The following LSS variants were observed in gnomAD, a reference collection of about 807,000 sequenced individuals.
LSS encodes the protein 2,3-epoxysqualene-lanosterol cyclase.
LSS carries 90 observed loss-of-function variants against 110.3 expected under a neutral mutation model. The observed-to-expected ratio is 0.82, with a 90% confidence interval of 0.69 to 0.97. The LOEUF is 0.97. LSS is among the 50% of genes least tolerant of loss of function. The pLI is 0.00. For synonymous variants in LSS, 433 were observed against 400.0 expected (o/e 1.08, Z -0.98); for missense variants, 927 against 990.0 (o/e 0.94, Z 0.85).
chr21:46,227,659 T>C lies in LSS; in HGVS notation c.212A>G (p.His71Arg), dbSNP rs754584496. 7 of 1,612,906 alleles carry C rather than the reference T, an allele frequency of 4.3e-6. No individual in the cohort carries two copies. The South Asian group carries it at 5.5e-5, about 13-fold the overall frequency. ...GTTCAGAGCCCCCTCAAAGGCGGTG[T>C]GGGCTTTGGGCAAGTCCTTAAAGTA... Reference protein sequence around the residue: ...KNYFKDLPKAHTAFEGALNGM... With the variant: ...KNYFKDLPKARTAFEGALNGM... Residue 71 changes from histidine to arginine, a missense_variant, in exon 3 of 22, where the codon CAC (histidine) becomes CGC (arginine). Coordinates refer to ENST00000397728, the MANE Select transcript of LSS (RefSeq NM_002340.6).
At position 46,216,470 on chromosome 21, in the gene LSS, C is replaced by T. The variant is rs1340011237; in HGVS notation, c.702G>A (p.Arg234=). The T allele has an allele frequency of 6.2e-7, 1 of 1,613,570 alleles. No homozygotes were observed. The highest frequency in any genetic ancestry group is 8.5e-7 in the Non-Finnish European group (1 of 1,179,882). Residue 234 remains arginine (R), a synonymous_variant, in exon 7 of 22, where the codon CGG becomes CGA. Transcript: ENST00000397728. This position sits in a 1 kb window ranked among gnomAD's most constrained non-coding sequence, Gnocchi z 4.2. ...AHPSTLWCHC[R]QVYLPMSYCY... is the part of the protein sequence containing the mutation. Reference sequence around the variant, plus strand: ...AGTAGCTCATGGGCAGGTACACCTGCCGGCAGTGGCACCAGAGTGTGGAGG... The same window carrying T: ...AGTAGCTCATGGGCAGGTACACCTGTCGGCAGTGGCACCAGAGTGTGGAGG...
At chr21:46,212,052 G>A (rs2080140939) in intron 11 of LSS, among the ~76,000 whole-genome samples, 1 of 50,872 alleles carries the variant, frequency 2.0e-5, no homozygotes, top group African/African-American at 8.8e-5. Flanking sequence ...GGAGCGCTGG[G>A]CAGGGAGGGG....
rs770659135 is a variant in LSS, at chr21:46,194,571, G to T, written c.1908C>A (p.Cys636Ter). Residue 636 changes from cysteine to a stop codon, truncating the protein, a stop_gained, in exon 20 of 22, where the codon TGC becomes TGA. Transcript: ENST00000397728. LOFTEE classifies it high-confidence loss of function. ...CACTCTGCAAATAACGCCGCTCCTCGCAGGACTCAAAGTCCTCCCCCCAGC... is the reference window on the plus strand; with the variant it reads ...CACTCTGCAAATAACGCCGCTCCTCTCAGGACTCAAAGTCCTCCCCCCAGC... ...DGGWGEDFESCEERRYLQSAQ... is the reference protein window; with the variant it reads ...DGGWGEDFES 6.2e-7 allele frequency: 1 copy of T among 1,613,662 alleles called. No individual in the cohort carries two copies. Among genetic ancestry groups the T allele is most frequent in the African/African-American group, 1.3e-5 (1 of 75,060 alleles).
chr21:46,195,888 G>A (rs914469187), intron 18 of LSS, 132 bp from the exon 19 acceptor site: 68 of 720,728 alleles, frequency 9.4e-5, no homozygotes, highest in South Asian at 8.9e-4. Context: ...CATTAAGGCC[G>A]TGGAAGACAG....
intron 6 of LSS, among the ~76,000 whole-genome samples, chr21:46,217,157 G>C (rs1157120588): frequency 4.0e-5 from 6 of 148,270 alleles, no homozygotes; most frequent in Non-Finnish European, 7.4e-5. Flanking sequence ...TGAGGCAGGA[G>C]AATCGCTTGA....
intron 18 of LSS, 118 bp from the exon 19 acceptor site, chr21:46,195,874 C>T (rs1291984613): frequency 1.3e-6 from 1 of 792,852 alleles, no homozygotes; most frequent in Non-Finnish European, 2.1e-6. Context: ...TCCAGTGCCT[C>T]AGGCATTAAG....
In LSS at chr21:46,209,859, G is replaced by C. The variant is rs182753030; in HGVS notation, c.1195-234C>G. On this transcript the variant is annotated intron_variant, in intron 12 of 21. Coordinates refer to ENST00000397728, the MANE Select transcript of LSS (RefSeq NM_002340.6). The surrounding 1 kb of genome is among the most constrained non-coding windows in gnomAD (Gnocchi z 4.4). The stretch of plus-strand genomic sequence containing the variant: ...AGGGCGCAGGAGACCATTTATGGAT[G>C]CCAGCACCCCCCTGCCTGGCCAGCA... Among the ~76,000 whole-genome samples the C allele has an allele frequency of 9.0e-4, 137 of 152,240 alleles. 1 individual carries two copies. The highest frequency in any genetic ancestry group is 3.4e-3 in the Middle Eastern group (1 of 294).
chr21:46,227,826 A>C, intron 2 of LSS, 136 bp from the exon 3 acceptor site: 1 of 1,009,572 alleles, frequency 9.9e-7, no homozygotes. Context: ...TTTCCATCAA[A>C]AGTCTGAAAC....
intron 3 of LSS, among the ~76,000 whole-genome samples, chr21:46,224,365 G>A (rs6518282): frequency 0.52 from 79,356 of 151,680 alleles, 21,556 homozygotes; most frequent in African/African-American, 0.67. Flanking sequence ...ACTGGTCTCC[G>A]TGCATTGGTG....
Position 46,189,270 on chromosome 21 carries a change from A to C in LSS, c.*1834T>G, listed in dbSNP as rs2079770442. 4.4e-6 allele frequency: 1 copy of C among 228,776 alleles called. No homozygotes were observed. The allele number at this position is 228,776 out of a possible 1,614,324, so 14.2% of individuals were successfully genotyped here. A position where few individuals can be genotyped will look rare whatever the true frequency, so the allele number is the denominator to read the frequency against. ...CTGACCATGGCTAGGAGTCCCAGGG[A>C]CAGCAGCCTCTGCTCAGGGCAGACT... On this transcript the variant is annotated 3_prime_UTR_variant, in exon 22 of 22. Coordinates refer to ENST00000397728, the MANE Select transcript of LSS (RefSeq NM_002340.6).
rs1034136621 is a variant in LSS at position 46,190,756 on chromosome 21, G to C, written c.*348C>G. On this transcript the variant is annotated 3_prime_UTR_variant, in exon 22 of 22. Transcript: ENST00000397728. The surrounding 1 kb of genome is among the most constrained non-coding windows in gnomAD (Gnocchi z 4.6). ...ACAGGCACAGCTGCTCCTCTCCCAA[G>C]AACTCAGCTATTGGTCAGAAAAAAC... The C allele has an allele frequency of 3.7e-6, 1 of 268,352 alleles. No homozygotes were observed. The highest frequency in any genetic ancestry group is 7.1e-6 in the Non-Finnish European group (1 of 140,412). The allele number at this position is 268,352 out of a possible 1,614,324, so 16.6% of individuals were successfully genotyped here.
At chr21:46,194,747 T>C in intron 19 of LSS, 86 bp from the exon 20 acceptor site, 1 of 1,396,634 alleles carries the variant, frequency 7.2e-7, no homozygotes, top group Non-Finnish European at 9.6e-7. Flanking sequence ...TGCCTTGGGG[T>C]ACGGGGAGGA....
At chr21:46,213,184 G>A in intron 10 of LSS, 132 bp from the exon 11 acceptor site, 1 of 822,528 alleles carries the variant, frequency 1.2e-6, no homozygotes, top group East Asian at 2.6e-5. Flanking sequence ...TGGCCTGGAT[G>A]CCACCCCAGC....
chr21:46,196,247 A>G lies in LSS; in HGVS notation c.1691T>C (p.Leu564Ser). 1 of 1,614,130 alleles carries G rather than the reference A, an allele frequency of 6.2e-7. No homozygotes were observed. Among genetic ancestry groups the G allele is most frequent in the Non-Finnish European group, 8.5e-7 (1 of 1,180,024 alleles). ...AEIRETLTQG[L>S]EFCRRQQRAD... ...CCTCTGCTGCCGCCGACAGAACTCTAAGCCCTGCGTGAGGGTCTCCCTGGA... is the reference window on the plus strand; with the variant it reads ...CCTCTGCTGCCGCCGACAGAACTCTGAGCCCTGCGTGAGGGTCTCCCTGGA... Residue 564 changes from leucine to serine, a missense_variant, in exon 18 of 22, where the codon TTA (leucine) becomes TCA (serine). Transcript: ENST00000397728.
chr21:46,198,204 C>T (rs1169717631), intron 17 of LSS, among the ~76,000 whole-genome samples: 1 of 151,164 alleles, frequency 6.6e-6, no homozygotes, highest in Non-Finnish European at 1.5e-5. Flanking sequence ...GAGTTTGAGG[C>T]TGCAGTGAGC....
chr21:46,206,155 G>A (rs989719974), intron 16 of LSS, among the ~76,000 whole-genome samples: 2 of 152,312 alleles, frequency 1.3e-5, no homozygotes, highest in African/African-American at 4.8e-5. Context: ...AGAAAGCTGC[G>A]ACCCCACCCC....
At position 46,215,731 on chromosome 21, in the gene LSS, G is replaced by C; in HGVS notation, c.846C>G (p.Pro282=). 4 of 1,612,470 alleles carry C rather than the reference G, an allele frequency of 2.5e-6. No individual in the cohort carries two copies. Among genetic ancestry groups the C allele is most frequent in the Non-Finnish European group, 3.4e-6 (4 of 1,179,174 alleles). The change falls in exon 8 of 22, where the codon CCC becomes CCG. Residue 282 remains proline, a synonymous_variant. Transcript: ENST00000397728. Reference sequence around the variant, plus strand: ...AGCTGTGCGGCGTGTACAGCTCGTCGGGGGCCACGTTGTTCCTCTGCGCCA... The same window carrying C: ...AGCTGTGCGGCGTGTACAGCTCGTCCGGGGCCACGTTGTTCCTCTGCGCCA... ...DWLAQRNNVA[P]DELYTPHSWL...
chr21:46,207,442 C>T lies in LSS; in HGVS notation c.1453G>A (p.Asp485Asn), dbSNP rs779278365. ...CACAGCCTTACCACAGCCACAGCAT[C>T]GCAGAGCCGTTCTCTGGGGATGTGC... ...TEHIPRERLCDAVAVLLNMRN... is the reference protein window; with the variant it reads ...TEHIPRERLCNAVAVLLNMRN... Residue 485 changes from aspartate (D) to asparagine (N), a missense_variant, in exon 15 of 22, where the codon GAT (aspartate) becomes AAT (asparagine). Physicochemically the swap from Asp to Asn is conservative, Grantham distance 23 (BLOSUM62 1). Transcript: ENST00000397728. The T allele has an allele frequency of 7.4e-6, 12 of 1,612,370 alleles. No homozygotes were observed. In the East Asian group the frequency reaches 1.1e-4, roughly 15 times the overall value.
chr21:46,195,104 T>C (rs1900829343), intron 19 of LSS, among the ~76,000 whole-genome samples: 1 of 152,184 alleles, frequency 6.6e-6, no homozygotes. Flanking sequence ...TCCTGCCTTC[T>C]AACCCGCTCC....
Sources: allele counts gnomAD v4.1 joint callset (sites outside exome capture counted in the v4.1 genomes callset), GRCh38; gene constraint gnomAD v4.1.1; non-coding constraint Gnocchi (gnomAD v3.1); transcripts MANE v1.5; gene names NCBI Gene and HGNC (gene_info 2026-07-23, HGNC 2026-07-21).